Variants in LUZP2 observed in about 807,000 individuals in gnomAD.
The protein encoded by LUZP2 is leucine zipper protein 2.
A neutral mutation model predicts 51.6 loss-of-function variants in LUZP2; 52 were observed. The ratio of observed to expected loss-of-function variants is 1.01; its 90% CI spans 0.81 to 1.27. LUZP2 has a LOEUF of 1.27. Ranked by LOEUF, LUZP2 falls within the 50% of genes most tolerant of loss-of-function variation. The probability of loss-of-function intolerance (pLI) is 0.00; values close to 1 mark genes in which losing one functional copy is unlikely to be tolerated. For synonymous variants in LUZP2, 154 were observed against 137.3 expected (o/e 1.12, Z -0.85); for missense variants, 436 against 395.4 (o/e 1.10, Z -0.87).
In LUZP2 at chr11:24,978,547, A is replaced by T. The variant is rs892121116; in HGVS notation, c.597+1882A>T. On this transcript the variant is annotated intron_variant, in intron 8 of 11. Coordinates refer to ENST00000336930, the MANE Select transcript of LUZP2 (RefSeq NM_001009909.4). Reference sequence around the variant, plus strand: ...TGTTCTCCCGATTTGACTTCACATAATCCTTTTAGTCAGTCAATGACTAAA... The same window carrying T: ...TGTTCTCCCGATTTGACTTCACATATTCCTTTTAGTCAGTCAATGACTAAA... Among the ~76,000 whole-genome samples, 3 of 151,758 alleles carry T rather than the reference A, an allele frequency of 2.0e-5. No individual in the cohort carries two copies. The South Asian group carries it at 6.2e-4, about 31-fold the overall frequency.
intron 5 of LUZP2, among the ~76,000 whole-genome samples, chr11:24,905,493 A>G (rs534811582): frequency 2.0e-5 from 3 of 152,224 alleles, no homozygotes; most frequent in Non-Finnish European, 2.9e-5. Flanking sequence ...ATACCATTGC[A>G]CTCCAGCCAG....
rs539945893 is a variant in LUZP2, at chr11:24,572,105, C to T, written c.62+74800C>T. Among the ~76,000 whole-genome samples the T allele has an allele frequency of 1.7e-3, 257 of 152,018 alleles. 2 individuals are homozygous for T. The highest frequency in any genetic ancestry group is 5.4e-3 in the African/African-American group (224 of 41,500). ...TACAACCAAGAGCAGATATATGGGA[C>T]GGAAGCCCAATAAATAGTGAAGTGA... On this transcript the variant is annotated intron_variant, in intron 1 of 11. Transcript: ENST00000336930.
chr11:24,706,120 C>T (rs770675429), intron 1 of LUZP2, among the ~76,000 whole-genome samples: 4 of 152,128 alleles, frequency 2.6e-5, no homozygotes, highest in South Asian at 4.2e-4. Flanking sequence ...AAGGAATAGT[C>T]GTATTCTAAG....
intron 1 of LUZP2, among the ~76,000 whole-genome samples, chr11:24,550,279 G>T (rs1304669808): frequency 6.6e-6 from 1 of 151,976 alleles, no homozygotes; most frequent in Non-Finnish European, 1.5e-5. Context: ...ATAATTTAAA[G>T]AATAATTTTG....
At chr11:24,686,616 T>C (rs1354069315) in intron 1 of LUZP2, among the ~76,000 whole-genome samples, 1 of 152,162 alleles carries the variant, frequency 6.6e-6, no homozygotes, top group Admixed American at 6.5e-5. Flanking sequence ...CCCACCTAAA[T>C]AGCTTCACAT....
At chr11:24,539,979 CAT>C (rs140876994) in intron 1 of LUZP2, among the ~76,000 whole-genome samples, 4 of 150,956 alleles carry the variant, frequency 2.6e-5, no homozygotes, top group African/African-American at 7.3e-5. Context: ...ACAAAGACAA[CAT>C]ATATATATAT....
chr11:24,653,735 C>A (rs1293658789), intron 1 of LUZP2, among the ~76,000 whole-genome samples: 1 of 152,126 alleles, frequency 6.6e-6, no homozygotes, highest in African/African-American at 2.4e-5. Context: ...GGAAAGCACA[C>A]TGAGACAGAA....
chr11:24,705,609 C>T (rs983788615), intron 1 of LUZP2, among the ~76,000 whole-genome samples: 4 of 152,086 alleles, frequency 2.6e-5, no homozygotes, highest in Non-Finnish European at 5.9e-5. Context: ...TGTGAATTTC[C>T]CAGGCTTCAG....
At chr11:24,629,662 G>A (rs931212571) in intron 1 of LUZP2, among the ~76,000 whole-genome samples, 1 of 151,108 alleles carries the variant, frequency 6.6e-6, no homozygotes, top group African/African-American at 2.4e-5. Context: ...ACATAAAAGT[G>A]CAAGTGTCTT....
At chr11:24,971,079 A>G (rs904263315) in intron 7 of LUZP2, among the ~76,000 whole-genome samples, 2 of 152,156 alleles carry the variant, frequency 1.3e-5, no homozygotes, top group African/African-American at 2.4e-5. Flanking sequence ...CTCACTTATA[A>G]GTAGGAGATA....
chr11:24,511,015 C>T (rs1850293129), intron 1 of LUZP2, among the ~76,000 whole-genome samples: 1 of 152,262 alleles, frequency 6.6e-6, no homozygotes, highest in South Asian at 2.1e-4. Flanking sequence ...TATGAATACT[C>T]CCCATTTGCT....
At chr11:25,007,033 C>T (rs1464646560) in intron 9 of LUZP2, among the ~76,000 whole-genome samples, 1 of 152,106 alleles carries the variant, frequency 6.6e-6, no homozygotes, top group African/African-American at 2.4e-5. Flanking sequence ...TCTGTTTTTA[C>T]AGAGTGCTTA....
chr11:24,919,583 C>G (rs554997346), intron 7 of LUZP2, among the ~76,000 whole-genome samples: 7 of 144,372 alleles, frequency 4.8e-5, no homozygotes, highest in Non-Finnish European at 9.1e-5. Context: ...TTTAAATACA[C>G]AGGATAGCTT....
chr11:25,070,842 C>T, intron 10 of LUZP2, among the ~76,000 whole-genome samples: 1 of 139,842 alleles, frequency 7.2e-6, no homozygotes, highest in East Asian at 2.2e-4. Context: ...TTATAAACTG[C>T]CTGACAAAAT....
chr11:24,646,945 T>A (rs1264333808), intron 1 of LUZP2, among the ~76,000 whole-genome samples: 1 of 152,052 alleles, frequency 6.6e-6, no homozygotes, highest in Non-Finnish European at 1.5e-5. Context: ...GAATTACACA[T>A]GAGGAAGAAG....
At chr11:24,655,935 A>G (rs940986503) in intron 1 of LUZP2, among the ~76,000 whole-genome samples, 1 of 152,196 alleles carries the variant, frequency 6.6e-6, no homozygotes, top group African/African-American at 2.4e-5. Context: ...ATTAAAGATT[A>G]TCCTTGTTTT....
intron 1 of LUZP2, among the ~76,000 whole-genome samples, chr11:24,639,216 A>G (rs1246224462): frequency 6.6e-6 from 1 of 151,484 alleles, no homozygotes; most frequent in Non-Finnish European, 1.5e-5. Context: ...TGTTTTCTTA[A>G]TTTTGCATTT....
intron 7 of LUZP2, among the ~76,000 whole-genome samples, chr11:24,950,937 G>A (rs1429546519): frequency 6.6e-6 from 1 of 150,710 alleles, no homozygotes; most frequent in South Asian, 2.1e-4. Flanking sequence ...GTTTTTTTTT[G>A]TGTTATAGTG....
chr11:24,523,416 T>G (rs893214126), intron 1 of LUZP2, among the ~76,000 whole-genome samples: 5 of 151,676 alleles, frequency 3.3e-5, no homozygotes, highest in Non-Finnish European at 5.9e-5. Flanking sequence ...TACCAGAGAT[T>G]GTGTATAGTG....
Sources: gnomAD v4.1 joint callset for allele counts (sites outside exome capture counted in the v4.1 genomes callset) on GRCh38, gnomAD v4.1.1 for gene constraint, MANE v1.5 for transcripts, NCBI Gene and HGNC (gene_info 2026-07-23, HGNC 2026-07-21) for gene names.